Variants in GALNT13 observed in about 807,000 individuals in gnomAD.
The protein encoded by GALNT13 is polypeptide N-acetylgalactosaminyltransferase 13, also known as UDP-GalNAc:polypeptide N-acetylgalactosaminyltransferase 13.
A neutral mutation model predicts 64.2 loss-of-function variants in GALNT13; 28 were observed. That is an observed-to-expected ratio of 0.44 (90% CI 0.32 to 0.60). The LOEUF (loss-of-function observed/expected upper bound fraction) is 0.60, where lower values mean the gene tolerates loss of function less well. Among genes scored for constraint, GALNT13 ranks in the 20% least tolerant of loss-of-function variants. GALNT13 has a pLI of 0.05. For missense variants in GALNT13, 577 were observed against 669.8 expected (o/e 0.86, Z 1.53); for synonymous variants, 214 against 224.6 (o/e 0.95, Z 0.42).
the GALNT13 span, among the ~76,000 whole-genome samples, chr2:153,548,155 C>T: frequency 1.3e-5 from 2 of 152,138 alleles, no homozygotes; most frequent in Non-Finnish European, 2.9e-5. Flanking sequence ...TTTTTCTGTG[C>T]ACAAAAGTCC....
At chr2:153,411,898 G>A in the GALNT13 span, among the ~76,000 whole-genome samples, 5 of 152,206 alleles carry the variant, frequency 3.3e-5, no homozygotes, top group African/African-American at 4.8e-5. Context: ...ATGTGTCTGT[G>A]AGGGTGTTGC....
the GALNT13 span, among the ~76,000 whole-genome samples, chr2:153,394,569 C>A: frequency 6.6e-6 from 1 of 152,088 alleles, no homozygotes; most frequent in Non-Finnish European, 1.5e-5. Flanking sequence ...AGTTATAAAA[C>A]TTAGCATGAA....
chr2:153,696,988 T>A, the GALNT13 span, among the ~76,000 whole-genome samples: 1 of 152,218 alleles, frequency 6.6e-6, no homozygotes, highest in Non-Finnish European at 1.5e-5. Context: ...AAAGCCATTT[T>A]CTAAAAGTAA....
chr2:153,312,795 C>A, the GALNT13 span, among the ~76,000 whole-genome samples: 1 of 152,118 alleles, frequency 6.6e-6, no homozygotes, highest in Non-Finnish European at 1.5e-5. Context: ...TTCAAACTGG[C>A]TTTAGCTCAT....
rs190474274 is a variant in GALNT13 at position 154,299,307 on chromosome 2, C to T, written c.976-2102C>T. On this transcript the variant is annotated intron_variant, in intron 8 of 12. Coordinates refer to ENST00000392825, the MANE Select transcript of GALNT13 (RefSeq NM_052917.4). ...AAGATACAAGGGATATAATGGAGGA[C>T]TGAAAAAGAATATTGATTTATCTGT... Among the ~76,000 whole-genome samples, 11 of 151,504 alleles carry T rather than the reference C, an allele frequency of 7.3e-5. No individual in the cohort carries two copies. In the East Asian group the frequency reaches 1.7e-3, roughly 24 times the overall value.
At chr2:153,978,005 C>G (rs971627829) in intron 3 of GALNT13, among the ~76,000 whole-genome samples, 1 of 152,042 alleles carries the variant, frequency 6.6e-6, no homozygotes, top group Non-Finnish European at 1.5e-5. Context: ...TTTGAGGATG[C>G]TATTCATGCC....
At chr2:153,485,610 A>G in the GALNT13 span, among the ~76,000 whole-genome samples, 1 of 152,178 alleles carries the variant, frequency 6.6e-6, no homozygotes, top group Admixed American at 6.5e-5. Context: ...ACAAAGGAAA[A>G]TATATTACTG....
chr2:153,723,087 T>G, the GALNT13 span, among the ~76,000 whole-genome samples: 3 of 148,206 alleles, frequency 2.0e-5, no homozygotes, highest in Admixed American at 6.7e-5. Context: ...CAGCAGCACA[T>G]CAAAAAGCTT....
At chr2:153,881,230 C>G (rs1412585336) in intron 1 of GALNT13, among the ~76,000 whole-genome samples, 1 of 152,138 alleles carries the variant, frequency 6.6e-6, no homozygotes, top group Non-Finnish European at 1.5e-5. Context: ...ACACGGTTCT[C>G]ACATTACTTG....
chr2:154,007,613 T>C (rs1391027378), intron 3 of GALNT13, among the ~76,000 whole-genome samples: 3 of 152,070 alleles, frequency 2.0e-5, no homozygotes, highest in African/African-American at 2.4e-5. Flanking sequence ...TAGAAATATG[T>C]TCACCAAACT....
chr2:153,200,083 G>T, the GALNT13 span, among the ~76,000 whole-genome samples: 1 of 152,112 alleles, frequency 6.6e-6, no homozygotes, highest in Non-Finnish European at 1.5e-5. Context: ...AGTAGACTTG[G>T]CTGAGAGAAA....
chr2:153,777,992 G>T, the GALNT13 span, among the ~76,000 whole-genome samples: 1 of 152,220 alleles, frequency 6.6e-6, no homozygotes, highest in Non-Finnish European at 1.5e-5. Context: ...GTTCTCAGCA[G>T]ATGGGAGAGC....
At chr2:153,576,206 C>A in the GALNT13 span, among the ~76,000 whole-genome samples, 3 of 152,116 alleles carry the variant, frequency 2.0e-5, no homozygotes, top group Non-Finnish European at 2.9e-5. Context: ...AAGCCTTGAG[C>A]TGTGCAGCCT....
intron 9 of GALNT13, among the ~76,000 whole-genome samples, chr2:154,322,062 T>C (rs568016102): frequency 2.0e-5 from 3 of 151,212 alleles, no homozygotes; most frequent in African/African-American, 7.3e-5. Flanking sequence ...TTCACAGGAG[T>C]CTAAGACCAA....
the GALNT13 span, among the ~76,000 whole-genome samples, chr2:153,309,731 AT>A: frequency 6.6e-6 from 1 of 152,110 alleles, no homozygotes; most frequent in Admixed American, 6.6e-5. Context: ...TTAAGTTAAA[AT>A]TCAGCATAAT....
chr2:153,611,352 C>CA, the GALNT13 span, among the ~76,000 whole-genome samples: 1 of 152,048 alleles, frequency 6.6e-6, no homozygotes, highest in Admixed American at 6.6e-5. Flanking sequence ...CCTGCCCCCC[C>CA]GTCCGCCTTT....
chr2:154,386,055 CA>C (rs1698499442), intron 9 of GALNT13, among the ~76,000 whole-genome samples: 3 of 152,100 alleles, frequency 2.0e-5, no homozygotes. Flanking sequence ...AGTTTGGTGT[CA>C]CTATTTTTTT....
chr2:153,696,047 T>A, the GALNT13 span, among the ~76,000 whole-genome samples: 2 of 152,056 alleles, frequency 1.3e-5, no homozygotes, highest in South Asian at 4.1e-4. Flanking sequence ...GGAGTATTGA[T>A]ACACACAATC....
the GALNT13 span, among the ~76,000 whole-genome samples, chr2:153,631,949 A>G: frequency 6.6e-6 from 1 of 151,802 alleles, no homozygotes; most frequent in Non-Finnish European, 1.5e-5. Context: ...GTTTTAAACC[A>G]ATAATATCAG....
Sources: allele counts gnomAD v4.1 joint callset (sites outside exome capture counted in the v4.1 genomes callset), GRCh38; gene constraint gnomAD v4.1.1; transcripts MANE v1.5; gene names NCBI Gene and HGNC (gene_info 2026-07-23, HGNC 2026-07-21).